PROB1: variants seen among roughly 807,000 people sequenced by gnomAD.
PROB1 encodes proline rich basic protein 1.
For missense variants in PROB1, 1,453 were observed against 1,485.7 expected, an observed-to-expected ratio of 0.98 and a Z score of 0.36; for synonymous variants, 660 against 699.3, an observed-to-expected ratio of 0.94 and a Z score of 0.89.
chr5:139,393,512 G>A lies in PROB1; in HGVS notation c.1570C>T (p.Pro524Ser), dbSNP rs1226384068. Reference protein sequence around the residue: ...WGPSPQETWDPMGPGSSIAFT... With the variant: ...WGPSPQETWDSMGPGSSIAFT... ...GCTATCGATGAGCCCGGCCCCATGG[G>A]ATCCCATGTCTCTTGGGGAGATGGG... The change falls in exon 1 of 1, where the codon CCC becomes TCC. Residue 524 changes from proline to serine, a missense_variant. Pro to Ser is a moderately conservative substitution (Grantham distance 74). Coordinates refer to ENST00000434752, the MANE Select transcript of PROB1 (RefSeq NM_001161546.2). The A allele has an allele frequency of 1.3e-6, 2 of 1,551,550 alleles. No individual in the cohort carries two copies. Among genetic ancestry groups the A allele is most frequent in the African/African-American group, 1.4e-5 (1 of 73,170 alleles).
rs986898644 is a variant in PROB1 at position 139,393,215 on chromosome 5, G to A, written c.1867C>T (p.Arg623Trp). The A allele has an allele frequency of 1.9e-6, 3 of 1,549,206 alleles. No homozygotes were observed. The highest frequency in any genetic ancestry group is 2.7e-5 in the African/African-American group (2 of 73,062). Residue 623 changes from arginine (R) to tryptophan (W), a missense_variant, in exon 1 of 1, where the codon CGG becomes TGG. Transcript: ENST00000434752. ...ASGRPRMAIPRPRDVRKLVKT... is the reference protein window; with the variant it reads ...ASGRPRMAIPWPRDVRKLVKT... ...ACCAACTTGCGCACGTCTCGAGGCCGCGGAATGGCCATGCGCGGGCGTCCC... is the reference window on the plus strand; with the variant it reads ...ACCAACTTGCGCACGTCTCGAGGCCACGGAATGGCCATGCGCGGGCGTCCC...
rs1044662473 is a variant in PROB1, at chr5:139,391,821, G to A, written c.*213C>T. ...GCCTGGGAAAGGGATACATAATTTT[G>A]TTGGGGGAGGAAGTAGGCAGCCACT... is the stretch of plus-strand genomic sequence containing the variant. On this transcript the variant is annotated 3_prime_UTR_variant, in exon 1 of 1. Coordinates refer to ENST00000434752, the MANE Select transcript of PROB1 (RefSeq NM_001161546.2). This position sits in a 1 kb window ranked among gnomAD's most constrained non-coding sequence, Gnocchi z 4.8. The A allele has an allele frequency of 4.8e-6, 2 of 417,104 alleles. No homozygotes were observed. Among genetic ancestry groups the A allele is most frequent in the African/African-American group, 4.1e-5 (2 of 48,788 alleles). 25.8% of individuals were successfully genotyped at this position (417,104 alleles called of 1,614,324 possible).
Position 139,394,614 on chromosome 5 carries a change from G to C in PROB1, c.468C>G (p.Arg156=). 1 of 1,533,778 alleles carries C rather than the reference G, an allele frequency of 6.5e-7. No homozygotes were observed. Among genetic ancestry groups the C allele is most frequent in the Non-Finnish European group, 8.7e-7 (1 of 1,145,268 alleles). ...AGCCACCATCGGGGACCTGGGACTG[G>C]CGTGGGACCGCGGCGGGAGACGCTG... is the stretch of plus-strand genomic sequence containing the variant. The part of the protein sequence containing the change: ...PGPASPAAVP[R]QSQVPDGGSR... Residue 156 remains arginine, a synonymous_variant, in exon 1 of 1, where the codon CGC becomes CGG. Coordinates refer to ENST00000434752, the MANE Select transcript of PROB1 (RefSeq NM_001161546.2).
rs1758609474 is a variant in PROB1 at position 139,392,217 on chromosome 5, G to A, written c.2865C>T (p.Ser955=). ...GPIPSLSLPP[S]PGPQALGSPQ... ...GGCTGCCGAGGGCCTGCGGGCCCGGGGACGGTGGCAGAGAGAGGCTGGGTA... is the reference window on the plus strand; with the variant it reads ...GGCTGCCGAGGGCCTGCGGGCCCGGAGACGGTGGCAGAGAGAGGCTGGGTA... The change falls in exon 1 of 1, where the codon TCC becomes TCT. Residue 955 remains serine (S), a synonymous_variant. Coordinates refer to ENST00000434752, the MANE Select transcript of PROB1 (RefSeq NM_001161546.2). This position sits in a 1 kb window ranked among gnomAD's most constrained non-coding sequence, Gnocchi z 5.8. 6.9e-7 allele frequency: 1 copy of A among 1,440,750 alleles called. No homozygotes were observed. The highest frequency in any genetic ancestry group is 9.2e-7 in the Non-Finnish European group (1 of 1,090,518). 89.2% of individuals were successfully genotyped at this position (1,440,750 alleles called of 1,614,324 possible). A position where few individuals can be genotyped will look rare whatever the true frequency, so the allele number is the denominator to read the frequency against.
At position 139,393,209 on chromosome 5, in the gene PROB1, G is replaced by C. The variant is rs773255992; in HGVS notation, c.1873C>G (p.Arg625Gly). Residue 625 changes from arginine (R) to glycine (G), a missense_variant, in exon 1 of 1, where the codon CGA (arginine) becomes GGA (glycine). Physicochemically the swap from Arg to Gly is moderately radical, Grantham distance 125. Coordinates refer to ENST00000434752, the MANE Select transcript of PROB1 (RefSeq NM_001161546.2). ...GTCTTCACCAACTTGCGCACGTCTC[G>C]AGGCCGCGGAATGGCCATGCGCGGG... ...GRPRMAIPRP[R>G]DVRKLVKTTY... 2 of 1,549,408 alleles carry C rather than the reference G, an allele frequency of 1.3e-6. No individual in the cohort carries two copies. The highest frequency in any genetic ancestry group is 1.7e-6 in the Non-Finnish European group (2 of 1,146,860).
chr5:139,394,668 CG>C lies in PROB1; in HGVS notation c.413del (p.Pro138ArgfsTer34). On this transcript the variant is annotated frameshift_variant, in exon 1 of 1. Coordinates refer to ENST00000434752, the MANE Select transcript of PROB1 (RefSeq NM_001161546.2). LOFTEE classifies it low-confidence loss of function (END_TRUNC). ...CCGGCGGCAAGGGGCTGATGAAGGC[CG>C]GCTCCGTGAACTGTTGTTGCGCCTC... ...DREAQQQFTE[P>X]AFISPLPPGP... 1.3e-6 allele frequency: 2 copies of C among 1,534,882 alleles called. No homozygotes were observed. The highest frequency in any genetic ancestry group is 1.7e-4 in the Middle Eastern group (1 of 5,970).
chr5:139,394,121 G>T lies in PROB1; in HGVS notation c.961C>A (p.Arg321Ser), dbSNP rs773737781. The T allele has an allele frequency of 9.7e-6, 15 of 1,547,660 alleles. No homozygotes were observed. The highest frequency in any genetic ancestry group is 1.3e-5 in the Non-Finnish European group (15 of 1,145,358). ...APRPWPSLRE[R>S]AIRRDKPAPG... ...GCAGGCTTGTCGCGCCGAATCGCGCGCTCGCGGAGGCTGGGCCACGGCCTC... is the reference window on the plus strand; with the variant it reads ...GCAGGCTTGTCGCGCCGAATCGCGCTCTCGCGGAGGCTGGGCCACGGCCTC... The change falls in exon 1 of 1, where the codon CGC (arginine) becomes AGC (serine). Residue 321 changes from arginine (R) to serine (S), a missense_variant. Transcript: ENST00000434752.
In PROB1 at chr5:139,394,768, G is replaced by A. The variant is rs751792293; in HGVS notation, c.314C>T (p.Thr105Met). The change falls in exon 1 of 1, where the codon ACG becomes ATG. Residue 105 changes from threonine (T) to methionine (M), a missense_variant. Transcript: ENST00000434752. ...GACTTCCATCTCCCCCGACGGCAGC[G>A]TGCGCAGCTGGGGCTGGGGTGGCCG... ...GPRPPQPQLR[T>M]LPSGEMEVIF... 10 of 1,532,042 alleles carry A rather than the reference G, an allele frequency of 6.5e-6. No homozygotes were observed. Among genetic ancestry groups the A allele is most frequent in the South Asian group, 4.8e-5 (4 of 83,276 alleles). The allele number at this position is 1,532,042 out of a possible 1,614,324, so 94.9% of individuals were successfully genotyped here.
Position 139,392,353 on chromosome 5 carries a change from C to A in PROB1, c.2729G>T (p.Ser910Ile). Residue 910 changes from serine to isoleucine, a missense_variant, in exon 1 of 1, where the codon AGT becomes ATT. Coordinates refer to ENST00000434752, the MANE Select transcript of PROB1 (RefSeq NM_001161546.2). This position sits in a 1 kb window ranked among gnomAD's most constrained non-coding sequence, Gnocchi z 5.8. ...PRLRVLFDPE[S>I]GQYVEVLLPP... ...CAGCAACACCTCCACGTACTGCCCA[C>A]TCTCAGGGTCGAAGAGCACCCGCAG... is the stretch of plus-strand genomic sequence containing the variant. 3.3e-6 allele frequency: 5 copies of A among 1,531,172 alleles called. No individual in the cohort carries two copies. Among genetic ancestry groups the A allele is most frequent in the Non-Finnish European group, 4.4e-6 (5 of 1,139,816 alleles). The allele number at this position is 1,531,172 out of a possible 1,614,324, so 94.8% of individuals were successfully genotyped here.
rs1476790428 is a variant in PROB1, at chr5:139,392,921, C to T, written c.2161G>A (p.Glu721Lys). Reference protein sequence around the residue: ...QPNGVLRRRAENSTAKPFKRT... With the variant: ...QPNGVLRRRAKNSTAKPFKRT... ...TTGAAGGGCTTCGCCGTGCTGTTCT[C>T]TGCCCTCCGCCGCAGGACCCCGTTG... The change falls in exon 1 of 1, where the codon GAG becomes AAG. Residue 721 changes from glutamate (E) to lysine (K), a missense_variant. Transcript: ENST00000434752. The surrounding 1 kb of genome is among the most constrained non-coding windows in gnomAD (Gnocchi z 5.8). 7 of 1,530,540 alleles carry T rather than the reference C, an allele frequency of 4.6e-6. No homozygotes were observed. The East Asian group carries it at 1.2e-4, about 27-fold the overall frequency. The allele number at this position is 1,530,540 out of a possible 1,614,324, so 94.8% of individuals were successfully genotyped here.
In PROB1 at chr5:139,392,225, G is replaced by A. The variant is rs2152076434; in HGVS notation, c.2857C>T (p.Pro953Ser). 2 of 1,447,268 alleles carry A rather than the reference G, an allele frequency of 1.4e-6. No individual in the cohort carries two copies. Among genetic ancestry groups the A allele is most frequent in the East Asian group, 5.6e-5 (2 of 35,532 alleles). The allele number at this position is 1,447,268 out of a possible 1,614,324, so 89.7% of individuals were successfully genotyped here. Residue 953 changes from proline (P) to serine (S), a missense_variant, in exon 1 of 1, where the codon CCA becomes TCA. Physicochemically the swap from Pro to Ser is moderately conservative, Grantham distance 74. Coordinates refer to ENST00000434752, the MANE Select transcript of PROB1 (RefSeq NM_001161546.2). The surrounding 1 kb of genome is among the most constrained non-coding windows in gnomAD (Gnocchi z 5.8). Reference sequence around the variant, plus strand: ...AGGGCCTGCGGGCCCGGGGACGGTGGCAGAGAGAGGCTGGGTATAGGCCCA... The same window carrying A: ...AGGGCCTGCGGGCCCGGGGACGGTGACAGAGAGAGGCTGGGTATAGGCCCA... ...AYGPIPSLSL[P>S]PSPGPQALGS...
chr5:139,392,530 G>T lies in PROB1; in HGVS notation c.2552C>A (p.Pro851His). 1 of 1,351,698 alleles carries T rather than the reference G, an allele frequency of 7.4e-7. No individual in the cohort carries two copies. The highest frequency in any genetic ancestry group is 9.5e-7 in the Non-Finnish European group (1 of 1,057,100). The allele number at this position is 1,351,698 out of a possible 1,614,324, so 83.7% of individuals were successfully genotyped here. A position where few individuals can be genotyped will look rare whatever the true frequency, so the allele number is the denominator to read the frequency against. The change falls in exon 1 of 1, where the codon CCC becomes CAC. Residue 851 changes from proline (P) to histidine (H), a missense_variant. By Grantham distance (77) the Pro-to-His change is moderately conservative. Coordinates refer to ENST00000434752, the MANE Select transcript of PROB1 (RefSeq NM_001161546.2). The surrounding 1 kb of genome is among the most constrained non-coding windows in gnomAD (Gnocchi z 5.8). ...CGTGGGAGGCGCCGAGGCAGCGCGG[G>T]GCTGGGCTGGGGCCGTCCTGCCCGC... Reference protein sequence around the residue: ...ALAGRTAPAQPRAASAPPTDR... With the variant: ...ALAGRTAPAQHRAASAPPTDR...
chr5:139,393,540 C>T lies in PROB1; in HGVS notation c.1542G>A (p.Trp514Ter). The change falls in exon 1 of 1, where the codon TGG (tryptophan) becomes TGA (stop). Residue 514 changes from tryptophan (W) to a stop codon, truncating the protein, a stop_gained. Coordinates refer to ENST00000434752, the MANE Select transcript of PROB1 (RefSeq NM_001161546.2). LOFTEE classifies it low-confidence loss of function (END_TRUNC). ...WEAPDRPIGTWGPSPQETWDP... is the reference protein window; with the variant it reads ...WEAPDRPIGT The stretch of plus-strand genomic sequence containing the variant: ...CCCATGTCTCTTGGGGAGATGGGCC[C>T]CAAGTTCCAATAGGACGATCTGGAG... 1 of 1,551,260 alleles carries T rather than the reference C, an allele frequency of 6.4e-7. No individual in the cohort carries two copies. The highest frequency in any genetic ancestry group is 1.2e-5 in the South Asian group (1 of 84,050).
chr5:139,392,060 C>G lies in PROB1; in HGVS notation c.3022G>C (p.Gly1008Arg). ...PPSSSGPTQP[G>R]KGSLFPL ...CACAGCGGGAACAATGAACCCTTGC[C>G]GGGCTGGGTGGGACCTGAGCTGGAG... Residue 1008 changes from glycine (G) to arginine (R), a missense_variant, in exon 1 of 1, where the codon GGC (glycine) becomes CGC (arginine). Physicochemically the swap from Gly to Arg is moderately radical, Grantham distance 125. Transcript: ENST00000434752. The surrounding 1 kb of genome is among the most constrained non-coding windows in gnomAD (Gnocchi z 5.8). 1.4e-6 allele frequency: 2 copies of G among 1,402,432 alleles called. No individual in the cohort carries two copies. The highest frequency in any genetic ancestry group is 1.9e-6 in the Non-Finnish European group (2 of 1,075,764). The allele number at this position is 1,402,432 out of a possible 1,614,324, so 86.9% of individuals were successfully genotyped here. A position where few individuals can be genotyped will look rare whatever the true frequency, so the allele number is the denominator to read the frequency against.
rs759130864 is a variant in PROB1, at chr5:139,394,163, C to A, written c.919G>T (p.Ala307Ser). ...CACGGCCTCGGGGCCTTGGCGGGGGCCGAATTATCTCGTACGCGAAGTGGC... is the reference window on the plus strand; with the variant it reads ...CACGGCCTCGGGGCCTTGGCGGGGGACGAATTATCTCGTACGCGAAGTGGC... ...SRPLRVRDNSAPAKAPRPWPS... is the reference protein window; with the variant it reads ...SRPLRVRDNSSPAKAPRPWPS... Residue 307 changes from alanine to serine, a missense_variant, in exon 1 of 1, where the codon GCC (alanine) becomes TCC (serine). Ala to Ser is a moderately conservative substitution (Grantham distance 99). Transcript: ENST00000434752. 6 of 1,545,762 alleles carry A rather than the reference C, an allele frequency of 3.9e-6. No homozygotes were observed. Among genetic ancestry groups the A allele is most frequent in the African/African-American group, 1.4e-5 (1 of 72,798 alleles).
rs1758660890 is a variant in PROB1 at position 139,394,571 on chromosome 5, G to C, written c.511C>G (p.Leu171Val). ...CTTGGCCCACGGGGCCGCAGCTCTA[G>C]GTAGGTGGCCCAGCGGGAGCCACCA... ...PDGGSRWATYLELRPRGPSPA... is the reference protein window; with the variant it reads ...PDGGSRWATYVELRPRGPSPA... The change falls in exon 1 of 1, where the codon CTA becomes GTA. Residue 171 changes from leucine (L) to valine (V), a missense_variant. Physicochemically the swap from Leu to Val is conservative, Grantham distance 32 (BLOSUM62 1). Coordinates refer to ENST00000434752, the MANE Select transcript of PROB1 (RefSeq NM_001161546.2). The C allele has an allele frequency of 6.6e-7, 1 of 1,525,280 alleles. No homozygotes were observed. The highest frequency in any genetic ancestry group is 1.2e-5 in the South Asian group (1 of 82,810). The allele number at this position is 1,525,280 out of a possible 1,614,324, so 94.5% of individuals were successfully genotyped here. A position where few individuals can be genotyped will look rare whatever the true frequency, so the allele number is the denominator to read the frequency against.
chr5:139,393,292 G>T lies in PROB1; in HGVS notation c.1790C>A (p.Thr597Asn). The T allele has an allele frequency of 6.5e-7, 1 of 1,550,340 alleles. No individual in the cohort carries two copies. The change falls in exon 1 of 1, where the codon ACC (threonine) becomes AAC (asparagine). Residue 597 changes from threonine to asparagine, a missense_variant. Coordinates refer to ENST00000434752, the MANE Select transcript of PROB1 (RefSeq NM_001161546.2). Reference protein sequence around the residue: ...PEPPGSHPVGTLDADKCPEVL... With the variant: ...PEPPGSHPVGNLDADKCPEVL... ...TTCCGGGCACTTATCCGCGTCCAGG[G>T]TGCCCACAGGGTGGCTGCCGGGCGG...
At position 139,392,295 on chromosome 5, in the gene PROB1, G is replaced by A. The variant is rs1377441826; in HGVS notation, c.2787C>T (p.Val929=). ...PPSSPGPPHR[V]YTPLALGLGL... ...CGAGCCCCAGGGCCAGAGGGGTGTA[G>A]ACGCGGTGGGGCGGCCCGGGAGACG... is the stretch of plus-strand genomic sequence containing the variant. Residue 929 remains valine (V), a synonymous_variant, in exon 1 of 1, where the codon GTC becomes GTT. Transcript: ENST00000434752. The surrounding 1 kb of genome is among the most constrained non-coding windows in gnomAD (Gnocchi z 5.8). 3 of 1,530,746 alleles carry A rather than the reference G, an allele frequency of 2.0e-6. No individual in the cohort carries two copies. Among genetic ancestry groups the A allele is most frequent in the Non-Finnish European group, 2.6e-6 (3 of 1,137,722 alleles). 94.8% of individuals were successfully genotyped at this position (1,530,746 alleles called of 1,614,324 possible). A position where few individuals can be genotyped will look rare whatever the true frequency, so the allele number is the denominator to read the frequency against.
chr5:139,394,848 G>C lies in PROB1; in HGVS notation c.234C>G (p.Ser78Arg). The C allele has an allele frequency of 7.8e-6, 12 of 1,531,244 alleles. No homozygotes were observed. Among genetic ancestry groups the C allele is most frequent in the Non-Finnish European group, 1.1e-5 (12 of 1,138,954 alleles). The allele number at this position is 1,531,244 out of a possible 1,614,324, so 94.9% of individuals were successfully genotyped here. Residue 78 changes from serine to arginine, a missense_variant, in exon 1 of 1, where the codon AGC becomes AGG. Physicochemically the swap from Ser to Arg is moderately radical, Grantham distance 110. Coordinates refer to ENST00000434752, the MANE Select transcript of PROB1 (RefSeq NM_001161546.2). ...CCGAGCCGGGCCCGTGCCGCTGGCG[G>C]CTATTCTGGGCGCTGACGGACAGGC... is the stretch of plus-strand genomic sequence containing the variant. ...QPRLSVSAQN[S>R]RQRHGPGSGF... is the part of the protein sequence containing the mutation.
Sources: allele counts gnomAD v4.1 joint callset, GRCh38; gene constraint gnomAD v4.1.1; non-coding constraint Gnocchi (gnomAD v3.1); transcripts MANE v1.5; gene names NCBI Gene and HGNC (gene_info 2026-07-23, HGNC 2026-07-21).